Variants in ABCB1 observed in about 807,000 individuals in gnomAD.
ABCB1 encodes ATP binding cassette subfamily B member 1, also known as ATP-dependent translocase ABCB1.
A neutral mutation model predicts 142.0 loss-of-function variants in ABCB1; 69 were observed. That is an observed-to-expected ratio of 0.49 (90% CI 0.40 to 0.59). The LOEUF is 0.59. Among genes scored for constraint, ABCB1 ranks in the 20% least tolerant of loss-of-function variants. ABCB1 has a pLI of 0.00. For missense variants in ABCB1, 1,326 were observed against 1,554.7 expected (o/e 0.85, Z 2.47); for synonymous variants, 532 against 539.2 (o/e 0.99, Z 0.18).
At position 87,532,050 on chromosome 7, in the gene ABCB1, A is replaced by G. The variant is rs547063979; in HGVS notation, c.2482-553T>C. On this transcript the variant is annotated intron_variant, in intron 20 of 27. Transcript: ENST00000622132. Reference sequence around the variant, plus strand: ...GGGAGTCTGAAGCATGACTTTCACTAGTGTGCACTGAGTTCCAGCTCTAAA... The same window carrying G: ...GGGAGTCTGAAGCATGACTTTCACTGGTGTGCACTGAGTTCCAGCTCTAAA... 2.6e-5 allele frequency among the ~76,000 whole-genome samples: 4 copies of G among 152,268 alleles called. No homozygotes were observed. In the South Asian group the frequency reaches 8.3e-4, roughly 32 times the overall value.
chr7:87,567,303 A>G (rs1817821475), intron 5 of ABCB1, among the ~76,000 whole-genome samples: 1 of 152,256 alleles, frequency 6.6e-6, no homozygotes, highest in African/African-American at 2.4e-5. Context: ...TGCATGAAAT[A>G]TACTTGGACC....
intron 1 of ABCB1, among the ~76,000 whole-genome samples, chr7:87,633,978 G>A (rs1244642715): frequency 1.3e-5 from 2 of 152,170 alleles, no homozygotes; most frequent in Non-Finnish European, 2.9e-5. Context: ...TGAGCTTCTG[G>A]TGAGGGCTTT....
intron 1 of ABCB1, among the ~76,000 whole-genome samples, chr7:87,656,011 C>T (rs890297508): frequency 2.0e-5 from 3 of 152,086 alleles, no homozygotes; most frequent in African/African-American, 7.2e-5. Flanking sequence ...ACAGGACCCT[C>T]ACTAGACCCC....
chr7:87,646,325 A>G (rs10246878), intron 1 of ABCB1, among the ~76,000 whole-genome samples: 127,843 of 152,100 alleles, frequency 0.84, 54,387 homozygotes, highest in East Asian at 0.99. Flanking sequence ...TAGTTTGTTA[A>G]GTAATCTAGT....
chr7:87,654,177 T>C (rs1488533285), intron 1 of ABCB1, among the ~76,000 whole-genome samples: 1 of 151,946 alleles, frequency 6.6e-6, no homozygotes, highest in African/African-American at 2.4e-5. Context: ...ATCTACAGGT[T>C]CACTGAAATC....
chr7:87,552,497 T>G (rs533352493), intron 9 of ABCB1, among the ~76,000 whole-genome samples: 50 of 152,200 alleles, frequency 3.3e-4, no homozygotes, highest in African/African-American at 1.1e-3. Flanking sequence ...TGGTCCGATA[T>G]CAAACCCCAC....
chr7:87,591,528 G>A (rs1404972766), intron 3 of ABCB1, among the ~76,000 whole-genome samples: 1 of 152,126 alleles, frequency 6.6e-6, no homozygotes, highest in African/African-American at 2.4e-5. Flanking sequence ...CCAAGATCCT[G>A]TCCACACGTG....
At chr7:87,524,606 G>T (rs1815702545) in intron 21 of ABCB1, among the ~76,000 whole-genome samples, 1 of 151,752 alleles carries the variant, frequency 6.6e-6, no homozygotes, top group South Asian at 2.1e-4. Context: ...AAGGGGGGAG[G>T]GATAGCATTA....
intron 1 of ABCB1, among the ~76,000 whole-genome samples, chr7:87,679,178 C>G (rs772348611): frequency 3.4e-4 from 49 of 145,594 alleles, no homozygotes; most frequent in Non-Finnish European, 5.8e-4. Flanking sequence ...CTGCAAGCTC[C>G]TCCTCCTGGG....
chr7:87,566,865 C>T lies in ABCB1; in HGVS notation c.450G>A (p.Gln150=). The change falls in exon 6 of 28, where the codon CAG becomes CAA. Residue 150 remains glutamine, a synonymous_variant. Transcript: ENST00000622132. ...CCTGTCGCATTATAGCATGAAAAAA[C>T]TGTTTTCTAATTTTGTGTATTTGTC... is the stretch of plus-strand genomic sequence containing the variant. ...AGRQIHKIRK[Q]FFHAIMRQEI... is the part of the protein sequence containing the mutation. 6.2e-7 allele frequency: 1 copy of T among 1,614,184 alleles called. No individual in the cohort carries two copies.
intron 1 of ABCB1, chr7:87,629,027 C>T (rs1820914576): frequency 7.4e-6 from 9 of 1,222,244 alleles, no homozygotes; most frequent in South Asian, 4.0e-5. Flanking sequence ...TTGGGGGTCC[C>T]GGGCATGATG....
rs796322949 is a variant in ABCB1 at position 87,505,785 on chromosome 7, T to C, written c.3636+112A>G. On this transcript the variant is annotated intron_variant, in intron 27 of 27. Transcript: ENST00000622132. ...AAAGTGTTTACATTTTACTGAAAGG[T>C]GATGTAAGTAACTGTCAATAATCTG... 3 of 1,281,576 alleles carry C rather than the reference T, an allele frequency of 2.3e-6. No homozygotes were observed. In the African/African-American group the frequency reaches 4.4e-5, roughly 19 times the overall value. 79.4% of individuals were successfully genotyped at this position (1,281,576 alleles called of 1,614,324 possible).
chr7:87,673,683 T>C (rs1826050610), intron 1 of ABCB1, among the ~76,000 whole-genome samples: 1 of 152,244 alleles, frequency 6.6e-6, no homozygotes, highest in South Asian at 2.1e-4. Flanking sequence ...TCTTCATTCG[T>C]ATCCATGTTC....
intron 8 of ABCB1, among the ~76,000 whole-genome samples, chr7:87,560,163 A>G (rs1817499706): frequency 1.3e-5 from 2 of 152,114 alleles, no homozygotes; most frequent in African/African-American, 2.4e-5. Context: ...TTCATTGAAT[A>G]TTTGCTCAGT....
intron 1 of ABCB1, among the ~76,000 whole-genome samples, chr7:87,636,266 T>A (rs1821762308): frequency 6.6e-6 from 1 of 152,208 alleles, no homozygotes; most frequent in Non-Finnish European, 1.5e-5. Context: ...TTTTAGCCAA[T>A]CTTGTATGTT....
intron 21 of ABCB1, among the ~76,000 whole-genome samples, chr7:87,524,876 C>T (rs1232852212): frequency 1.3e-5 from 2 of 151,590 alleles, no homozygotes; most frequent in African/African-American, 2.4e-5. Context: ...TGCTGAAAAA[C>T]AGATTTTACT....
chr7:87,622,370 C>T (rs1820255210), intron 1 of ABCB1, among the ~76,000 whole-genome samples: 1 of 151,944 alleles, frequency 6.6e-6, no homozygotes, highest in South Asian at 2.1e-4. Context: ...GTTAAAATAT[C>T]AAAAAGATAT....
intron 1 of ABCB1, among the ~76,000 whole-genome samples, chr7:87,673,053 T>C (rs1825991103): frequency 1.3e-5 from 2 of 152,174 alleles, no homozygotes; most frequent in South Asian, 4.1e-4. Flanking sequence ...CCCAAACTCT[T>C]CTGGTTTGTA....
chr7:87,680,327 A>C (rs145864750), intron 1 of ABCB1, among the ~76,000 whole-genome samples: 1 of 150,902 alleles, frequency 6.6e-6, no homozygotes, highest in East Asian at 2.0e-4. Context: ...TCTTGGATCA[A>C]AGAGGGATTC....
Sources: gnomAD v4.1 joint callset for allele counts (sites outside exome capture counted in the v4.1 genomes callset) on GRCh38, gnomAD v4.1.1 for gene constraint, MANE v1.5 for transcripts, NCBI Gene and HGNC (gene_info 2026-07-23, HGNC 2026-07-21) for gene names.